The following LRRIQ1 variants were observed in gnomAD, a reference collection of about 807,000 sequenced individuals.
The protein encoded by LRRIQ1 is leucine rich repeats and IQ motif containing 1.
A neutral mutation model predicts 211.9 loss-of-function variants in LRRIQ1; 210 were observed. That is an observed-to-expected ratio of 0.99 (90% CI 0.89 to 1.11). The LOEUF (loss-of-function observed/expected upper bound fraction) is 1.11. Among genes scored for constraint, LRRIQ1 ranks in the 50% most tolerant of loss-of-function variants. The pLI is 0.00. For missense variants in LRRIQ1, 2,136 were observed against 1,939.5 expected (o/e 1.10, Z -1.90); for synonymous variants, 699 against 650.1 (o/e 1.08, Z -1.14).
chr12:85,167,752 T>A (rs1891224716), intron 24 of LRRIQ1, among the ~76,000 whole-genome samples: 1 of 152,148 alleles, frequency 6.6e-6, no homozygotes, highest in Admixed American at 6.5e-5. Context: ...CATTCTTCTA[T>A]CCAATCAAGT....
At position 85,054,418 on chromosome 12, in the gene LRRIQ1, A is replaced by G. The variant is rs139955038; in HGVS notation, c.754-1129A>G. 4.4e-3 allele frequency among the ~76,000 whole-genome samples: 665 copies of G among 152,262 alleles called. 3 individuals are homozygous for G. Among genetic ancestry groups the G allele is most frequent in the Admixed American group, 7.1e-3 (109 of 15,292 alleles). ...TCTGAAATATTGCTAGCATCTGTCT[A>G]AGTGTGTTGTGTATGTGTGCATGCA... is the stretch of plus-strand genomic sequence containing the variant. On this transcript the variant is annotated intron_variant, in intron 7 of 26. Coordinates refer to ENST00000393217, the MANE Select transcript of LRRIQ1 (RefSeq NM_001079910.2).
chr12:85,076,647 T>C, intron 11 of LRRIQ1: 2 of 490,018 alleles, frequency 4.1e-6, no homozygotes, highest in Non-Finnish European at 2.6e-6. Context: ...GCTTGATTGC[T>C]GTGTCGTGGC....
intron 15 of LRRIQ1, among the ~76,000 whole-genome samples, chr12:85,114,370 A>T (rs1213326087): frequency 6.6e-6 from 1 of 152,178 alleles, no homozygotes; most frequent in Admixed American, 6.6e-5. Context: ...TTGAGCAAAA[A>T]TGACATGAAT....
At chr12:85,086,913 G>A (rs1884881675) in intron 11 of LRRIQ1, among the ~76,000 whole-genome samples, 1 of 149,674 alleles carries the variant, frequency 6.7e-6, no homozygotes. Context: ...TGCATTCAAC[G>A]ATTGAATCTC....
intron 11 of LRRIQ1, among the ~76,000 whole-genome samples, chr12:85,089,332 A>C (rs1335960432): frequency 2.6e-5 from 4 of 152,194 alleles, no homozygotes; most frequent in Non-Finnish European, 5.9e-5. Flanking sequence ...GATACCTAAA[A>C]ATTTTGAAAC....
At position 85,045,134 on chromosome 12, in the gene LRRIQ1, T is replaced by G. The variant is rs1435029811; in HGVS notation, c.336+325T>G. 2.0e-5 allele frequency among the ~76,000 whole-genome samples: 3 copies of G among 151,958 alleles called. No homozygotes were observed. The East Asian group carries it at 5.8e-4, about 29-fold the overall frequency. On this transcript the variant is annotated intron_variant, in intron 4 of 26. Coordinates refer to ENST00000393217, the MANE Select transcript of LRRIQ1 (RefSeq NM_001079910.2). ...CTGAGGAAAATAATGAATATACTCT[T>G]ATTTACTCTTTCTTAGGATTGTACT... is the stretch of plus-strand genomic sequence containing the variant.
chr12:85,071,614 C>T (rs1883090508), intron 10 of LRRIQ1, among the ~76,000 whole-genome samples: 1 of 151,940 alleles, frequency 6.6e-6, no homozygotes, highest in Non-Finnish European at 1.5e-5. Context: ...TATATTGTGC[C>T]TATTCTCATG....
At chr12:85,232,040 A>C (rs1329554682) in intron 25 of LRRIQ1, among the ~76,000 whole-genome samples, 3 of 152,194 alleles carry the variant, frequency 2.0e-5, no homozygotes, top group Non-Finnish European at 4.4e-5. Flanking sequence ...AAAGAAAAAT[A>C]TAAGAAAAAT....
intron 17 of LRRIQ1, chr12:85,124,888 A>G (rs1266615375): frequency 8.8e-6 from 2 of 228,086 alleles, no homozygotes; most frequent in East Asian, 1.5e-4. Flanking sequence ...TTAAAAATAT[A>G]CCTTTGCAGG....
chr12:85,136,313 G>A (rs762175610), intron 18 of LRRIQ1, among the ~76,000 whole-genome samples: 1 of 151,962 alleles, frequency 6.6e-6, no homozygotes, highest in Admixed American at 6.6e-5. Context: ...ACCCCAAAAC[G>A]TGGAAGGGAG....
intron 26 of LRRIQ1, among the ~76,000 whole-genome samples, chr12:85,235,349 T>C (rs929010772): frequency 6.6e-6 from 1 of 152,290 alleles, no homozygotes; most frequent in Admixed American, 6.5e-5. Flanking sequence ...CTGATAGTTT[T>C]ATGTTTGAAT....
At chr12:85,233,894 T>G (rs1347874705) in intron 26 of LRRIQ1, among the ~76,000 whole-genome samples, 1 of 152,110 alleles carries the variant, frequency 6.6e-6, no homozygotes, top group South Asian at 2.1e-4. Context: ...AGAGCAAGAA[T>G]TGAGATCATA....
chr12:85,272,771 G>A, the LRRIQ1 span, among the ~76,000 whole-genome samples: 4 of 152,062 alleles, frequency 2.6e-5, no homozygotes, highest in South Asian at 8.3e-4. Context: ...GGGTCCATTT[G>A]GGGGCATCTG....
chr12:85,100,090 A>G (rs963398073), intron 13 of LRRIQ1, among the ~76,000 whole-genome samples: 2 of 151,802 alleles, frequency 1.3e-5, no homozygotes, highest in Non-Finnish European at 3.0e-5. Context: ...TCAAAATGAA[A>G]TATTCAGCTA....
At chr12:85,123,824 A>G (rs1322104327) in intron 16 of LRRIQ1, among the ~76,000 whole-genome samples, 1 of 152,204 alleles carries the variant, frequency 6.6e-6, no homozygotes, top group Non-Finnish European at 1.5e-5. Flanking sequence ...TAGAATAAAA[A>G]TGGTCCTAAA....
At chr12:85,059,072 G>A (rs1441838325) in intron 8 of LRRIQ1, among the ~76,000 whole-genome samples, 3 of 151,922 alleles carry the variant, frequency 2.0e-5, no homozygotes, top group Non-Finnish European at 2.9e-5. Flanking sequence ...GCTTACCATG[G>A]TGTCTTTATT....
chr12:85,075,185 G>A (rs757382973), intron 11 of LRRIQ1, among the ~76,000 whole-genome samples: 4 of 151,950 alleles, frequency 2.6e-5, no homozygotes, highest in African/African-American at 9.7e-5. Context: ...AGTGGCTCAC[G>A]CTTATAATCC....
At chr12:85,192,029 C>T (rs781040942) in intron 24 of LRRIQ1, among the ~76,000 whole-genome samples, 1 of 151,658 alleles carries the variant, frequency 6.6e-6, no homozygotes, top group Non-Finnish European at 1.5e-5. Context: ...GGTATACATG[C>T]AGATTTGTTA....
intron 11 of LRRIQ1, among the ~76,000 whole-genome samples, chr12:85,090,204 G>A (rs1396519837): frequency 1.3e-5 from 2 of 152,192 alleles, no homozygotes; most frequent in Non-Finnish European, 2.9e-5. Context: ...CTCTGCCTAG[G>A]TATCAGAGGA....
Sources: allele counts gnomAD v4.1 joint callset (sites outside exome capture counted in the v4.1 genomes callset), GRCh38; gene constraint gnomAD v4.1.1; transcripts MANE v1.5; gene names NCBI Gene and HGNC (gene_info 2026-07-23, HGNC 2026-07-21).